The following CD160 variants were observed in gnomAD, a reference collection of about 807,000 sequenced individuals.
CD160 encodes CD160 antigen.
In CD160, 11 loss-of-function variants were observed where a neutral mutation model predicts 19.2. That is an observed-to-expected ratio of 0.57 (90% CI 0.36 to 0.95). CD160 has a LOEUF of 0.95. CD160 is among the 40% of genes least tolerant of loss of function. The pLI, the probability that CD160 is intolerant of heterozygous loss-of-function variation, is 0.01. For missense variants in CD160, 182 were observed against 213.2 expected, an observed-to-expected ratio of 0.85 and a Z score of 0.91; for synonymous variants, 75 against 81.1, an observed-to-expected ratio of 0.93 and a Z score of 0.40.
intron 4 of CD160, among the ~76,000 whole-genome samples, chr1:145,734,735 T>C: frequency 6.6e-6 from 1 of 152,200 alleles, no homozygotes; most frequent in Non-Finnish European, 1.5e-5. Flanking sequence ...AGTATTAGAG[T>C]CAGCACATCT....
intron 5 of CD160, 131 bp downstream of exon 5, chr1:145,736,265 T>C (rs1657488924): frequency 6.4e-7 from 1 of 1,558,746 alleles, no homozygotes; most frequent in Non-Finnish European, 8.7e-7. Context: ...ACTCAAGCCC[T>C]GGCTATCCAC....
intron 4 of CD160, among the ~76,000 whole-genome samples, chr1:145,732,771 C>CA (rs782776625): frequency 6.6e-6 from 1 of 152,094 alleles, no homozygotes; most frequent in East Asian, 1.9e-4. Context: ...CTTGATTTTG[C>CA]AAAAAATAAC....
chr1:145,729,216 T>C (rs902976516), intron 3 of CD160, among the ~76,000 whole-genome samples: 4 of 152,276 alleles, frequency 2.6e-5, no homozygotes, highest in African/African-American at 9.6e-5. Flanking sequence ...AAGACCCATA[T>C]CTCTTACTCT....
At chr1:145,723,460 G>GT (rs1321922363) in intron 1 of CD160, among the ~76,000 whole-genome samples, 1 of 151,962 alleles carries the variant, frequency 6.6e-6, no homozygotes, top group African/African-American at 2.4e-5. Flanking sequence ...TTATTAAATT[G>GT]TATGTATATA....
At chr1:145,734,839 G>A (rs1249035237) in intron 4 of CD160, among the ~76,000 whole-genome samples, 1 of 152,208 alleles carries the variant, frequency 6.6e-6, no homozygotes, top group Non-Finnish European at 1.5e-5. Context: ...GTGGGTGGTG[G>A]CTCACGCCTG....
intron 3 of CD160, among the ~76,000 whole-genome samples, chr1:145,728,760 G>A (rs1459487494): frequency 1.3e-5 from 2 of 151,978 alleles, no homozygotes; most frequent in African/African-American, 2.4e-5. Context: ...TCAGGCGCCC[G>A]GCTGACTCAC....
intron 5 of CD160, chr1:145,736,365 A>C: frequency 1.8e-4 from 229 of 1,280,566 alleles, no homozygotes; most frequent in Middle Eastern, 2.8e-4. Context: ...GGTAAGACTC[A>C]TTAGGAATGA....
chr1:145,728,138 T>G, intron 2 of CD160, 118 bp from the exon 3 acceptor site: 1 of 557,758 alleles, frequency 1.8e-6, no homozygotes, highest in East Asian at 3.0e-5. Flanking sequence ...TGGACTCTCA[T>G]GCCCAAGCCC....
rs140597155 is a variant in CD160, at chr1:145,736,604, A to AT, written c.538+472dup. ...CTCTGAAAACCATTTACCAATATAG[A>AT]TTAGCGTTTTCCCTATTAGATAACA... On this transcript the variant is annotated intron_variant, in intron 5 of 5. Transcript: ENST00000369288. 791 of 162,958 alleles carry AT rather than the reference A, an allele frequency of 4.9e-3. 27 individuals are homozygous for AT. The East Asian group carries it at 0.078, about 16-fold the overall frequency. The allele number at this position is 162,958 out of a possible 1,614,324, so 10.1% of individuals were successfully genotyped here. A position where few individuals can be genotyped will look rare whatever the true frequency, so the allele number is the denominator to read the frequency against.
At chr1:145,725,695 C>T (rs1474045712) in intron 2 of CD160, among the ~76,000 whole-genome samples, 2 of 151,948 alleles carry the variant, frequency 1.3e-5, no homozygotes, top group African/African-American at 4.8e-5. Flanking sequence ...TAAAATACAT[C>T]TCATTCTCAA....
Position 145,738,799 on chromosome 1 carries a change from C to G in CD160, c.*306C>G, listed in dbSNP as rs1657601288. On this transcript the variant is annotated 3_prime_UTR_variant, in exon 6 of 6. Transcript: ENST00000369288. ...TCGGATAAATATATGCGTTTTTGTA[C>G]CCCAGAAAAACTTTTCCTCCCTCTT... 2 of 239,368 alleles carry G rather than the reference C, an allele frequency of 8.4e-6. No homozygotes were observed. The highest frequency in any genetic ancestry group is 1.6e-5 in the Non-Finnish European group (2 of 124,750). 14.8% of individuals were successfully genotyped at this position (239,368 alleles called of 1,614,324 possible).
intron 1 of CD160, among the ~76,000 whole-genome samples, chr1:145,723,532 T>G (rs1158571925): frequency 2.0e-5 from 3 of 152,220 alleles, no homozygotes; most frequent in African/African-American, 7.2e-5. Flanking sequence ...TCTGTGGATC[T>G]GCAATAATTT....
At chr1:145,738,447 C>A in intron 5 of CD160, 39 bp from the exon 6 acceptor site, 1 of 1,305,814 alleles carries the variant, frequency 7.7e-7, no homozygotes, top group South Asian at 3.1e-5. Context: ...TGTTGCTATT[C>A]TAAGTTATAA....
chr1:145,732,256 G>A (rs984763201), intron 4 of CD160, among the ~76,000 whole-genome samples: 11 of 152,182 alleles, frequency 7.2e-5, no homozygotes, highest in Admixed American at 7.2e-4. Context: ...ACTATCATGA[G>A]ATGCAATGAC....
chr1:145,735,854 A>G (rs1657462994), intron 4 of CD160, 143 bp from the exon 5 acceptor site: 2 of 629,062 alleles, frequency 3.2e-6, no homozygotes, highest in African/African-American at 3.6e-5. Context: ...ATTACCCACA[A>G]TGTTAAAAAT....
chr1:145,734,624 C>G (rs1464517820), intron 4 of CD160, among the ~76,000 whole-genome samples: 2 of 152,206 alleles, frequency 1.3e-5, no homozygotes, highest in Non-Finnish European at 2.9e-5. Context: ...TAACACAGTC[C>G]TTGCTCCTTA....
intron 1 of CD160, among the ~76,000 whole-genome samples, chr1:145,723,145 G>A (rs1371392735): frequency 6.6e-6 from 1 of 152,180 alleles, no homozygotes; most frequent in East Asian, 1.9e-4. Context: ...GAGAGGTCAA[G>A]GCTAGGAAAG....
At chr1:145,725,512 G>C (rs1475905874) in intron 2 of CD160, among the ~76,000 whole-genome samples, 1 of 152,102 alleles carries the variant, frequency 6.6e-6, no homozygotes, top group Non-Finnish European at 1.5e-5. Flanking sequence ...GGACTGCAAA[G>C]ATGTATCAAT....
chr1:145,723,451 TATTAA>T (rs1553708042), intron 1 of CD160, among the ~76,000 whole-genome samples: 2 of 152,216 alleles, frequency 1.3e-5, no homozygotes, highest in Non-Finnish European at 2.9e-5. Flanking sequence ...ATAAGTACCT[TATTAA>T]ATTGTATGTA....
Sources: gnomAD v4.1 joint callset for allele counts (sites outside exome capture counted in the v4.1 genomes callset) on GRCh38, gnomAD v4.1.1 for gene constraint, MANE v1.5 for transcripts, NCBI Gene and HGNC (gene_info 2026-07-23, HGNC 2026-07-21) for gene names.